Variants in FAM120A observed in about 807,000 individuals in gnomAD.
FAM120A encodes the protein family with sequence similarity 120 member A.
FAM120A carries 15 observed loss-of-function variants against 109.7 expected under a neutral mutation model. The ratio of observed to expected loss-of-function variants is 0.14; its 90% CI spans 0.09 to 0.21. The LOEUF (loss-of-function observed/expected upper bound fraction) is 0.21. FAM120A is among the 10% of genes least tolerant of loss of function. The pLI, the probability that FAM120A is intolerant of heterozygous loss-of-function variation, is 1.00. For missense variants in FAM120A, 899 were observed against 1,439.3 expected (o/e 0.62, Z 6.07); for synonymous variants, 493 against 572.8 (o/e 0.86, Z 1.99).
chr9:93,472,251 CTT>C (rs1313846687), intron 2 of FAM120A, among the ~76,000 whole-genome samples: 2 of 150,978 alleles, frequency 1.3e-5, no homozygotes, highest in Non-Finnish European at 2.9e-5. Flanking sequence ...CAGAGTGAGA[CTT>C]TGTCTCCAAA....
At chr9:93,483,534 A>T (rs1858912849) in intron 3 of FAM120A, among the ~76,000 whole-genome samples, 1 of 152,142 alleles carries the variant, frequency 6.6e-6, no homozygotes, top group Admixed American at 6.5e-5. Context: ...TTATCTTTTT[A>T]AAAATTCATT....
chr9:93,539,059 G>A (rs1198121681), intron 10 of FAM120A, among the ~76,000 whole-genome samples: 6 of 148,062 alleles, frequency 4.1e-5, no homozygotes, highest in Admixed American at 1.4e-4. Flanking sequence ...GTGGAGTGGC[G>A]CAATCTCGGC....
intron 3 of FAM120A, among the ~76,000 whole-genome samples, chr9:93,478,342 A>G: frequency 6.6e-6 from 1 of 151,656 alleles, no homozygotes; most frequent in Non-Finnish European, 1.5e-5. Context: ...TTAGCTGAGT[A>G]CTTTTATGGC....
chr9:93,519,640 A>G (rs1860757351), intron 7 of FAM120A, among the ~76,000 whole-genome samples: 1 of 152,054 alleles, frequency 6.6e-6, no homozygotes, highest in Non-Finnish European at 1.5e-5. Context: ...TCTGCCTTTC[A>G]TTGTCCAGAC....
chr9:93,502,565 TAC>T (rs6151079), intron 5 of FAM120A, among the ~76,000 whole-genome samples: 65,147 of 146,528 alleles, frequency 0.44, 14,628 homozygotes, highest in Non-Finnish European at 0.5. Flanking sequence ...GGAGGACACA[TAC>T]ACACACACAC....
intron 5 of FAM120A, among the ~76,000 whole-genome samples, chr9:93,506,184 C>CA (rs1193164151): frequency 1.3e-5 from 2 of 152,144 alleles, no homozygotes; most frequent in Non-Finnish European, 2.9e-5. Context: ...CTTTTATGTA[C>CA]ATTTTATGAT....
In FAM120A at chr9:93,500,150, C is replaced by T. The variant is rs144164740; in HGVS notation, c.1030+1264C>T. Among the ~76,000 whole-genome samples, 1 of 152,364 alleles carries T rather than the reference C, an allele frequency of 6.6e-6. No homozygotes were observed. The highest frequency in any genetic ancestry group is 1.9e-4 in the East Asian group (1 of 5,190). The stretch of plus-strand genomic sequence containing the variant: ...TTGCTCCCCTGCAATCCATTTTCTT[C>T]CCAGCAGCCAAAGTAATGTTTAAAA... On this transcript the variant is annotated intron_variant, in intron 5 of 17. Coordinates refer to ENST00000277165, the MANE Select transcript of FAM120A (RefSeq NM_014612.5). This position sits in a 1 kb window ranked among gnomAD's most constrained non-coding sequence, Gnocchi z 4.6.
intron 7 of FAM120A, among the ~76,000 whole-genome samples, chr9:93,521,463 G>A (rs1021553626): frequency 6.6e-6 from 1 of 151,912 alleles, no homozygotes; most frequent in African/African-American, 2.4e-5. Flanking sequence ...GTGCCTGTGG[G>A]TCCAGCAACC....
chr9:93,490,854 C>T (rs1026576713), intron 3 of FAM120A, among the ~76,000 whole-genome samples: 12 of 152,194 alleles, frequency 7.9e-5, no homozygotes, highest in African/African-American at 2.9e-4. Context: ...TCTAAAGCAT[C>T]AAAGATCTTT....
chr9:93,454,073 G>A (rs552608523), intron 1 of FAM120A, among the ~76,000 whole-genome samples: 2 of 152,258 alleles, frequency 1.3e-5, no homozygotes, highest in Admixed American at 1.3e-4. Context: ...GCACCCCTTT[G>A]AATGCCTCGC....
chr9:93,508,477 C>G (rs753466907), intron 5 of FAM120A, among the ~76,000 whole-genome samples: 1 of 152,182 alleles, frequency 6.6e-6, no homozygotes, highest in Non-Finnish European at 1.5e-5. Flanking sequence ...CCTGCAACGC[C>G]CAGTGACTGA....
chr9:93,465,061 G>A (rs1857957513), intron 1 of FAM120A, among the ~76,000 whole-genome samples: 1 of 152,184 alleles, frequency 6.6e-6, no homozygotes. Context: ...AGGGAAAACA[G>A]GAAGGAGCTT....
chr9:93,538,223 C>G (rs911245597), intron 10 of FAM120A, among the ~76,000 whole-genome samples: 7 of 152,140 alleles, frequency 4.6e-5, no homozygotes, highest in African/African-American at 1.7e-4. Flanking sequence ...TGGGCTGCTC[C>G]ATCCTCAACT....
chr9:93,493,109 G>A (rs557884157), intron 3 of FAM120A, among the ~76,000 whole-genome samples: 1 of 152,274 alleles, frequency 6.6e-6, no homozygotes, highest in East Asian at 1.9e-4. Context: ...CAGGCTCTCC[G>A]GGTGCTACTG....
chr9:93,495,043 A>G (rs1375399508), intron 3 of FAM120A, among the ~76,000 whole-genome samples: 1 of 152,200 alleles, frequency 6.6e-6, no homozygotes, highest in African/African-American at 2.4e-5. Context: ...CACTAGTCCC[A>G]TGATTCTGTA....
intron 5 of FAM120A, among the ~76,000 whole-genome samples, 182 bp from the exon 6 acceptor site, chr9:93,515,484 TA>T (rs1860529023): frequency 6.7e-6 from 1 of 148,794 alleles, no homozygotes. Flanking sequence ...ATCATAAAAT[TA>T]AGTTTTCCTT....
At chr9:93,529,127 T>C (rs756547834) in intron 8 of FAM120A, among the ~76,000 whole-genome samples, 2 of 152,090 alleles carry the variant, frequency 1.3e-5, no homozygotes, top group African/African-American at 2.4e-5. Flanking sequence ...TGTGGCACAG[T>C]AGATGTTGAT....
intron 7 of FAM120A, among the ~76,000 whole-genome samples, chr9:93,519,957 C>A (rs1229310287): frequency 6.6e-6 from 1 of 151,934 alleles, no homozygotes; most frequent in Non-Finnish European, 1.5e-5. Context: ...CTCACTGTAG[C>A]CTCAAACTCC....
At position 93,451,899 on chromosome 9, in the gene FAM120A, G is replaced by T; in HGVS notation, c.-17G>T. The T allele has an allele frequency of 8.7e-7, 1 of 1,151,476 alleles. No homozygotes were observed. Among genetic ancestry groups the T allele is most frequent in the Non-Finnish European group, 1.1e-6 (1 of 932,478 alleles). 71.3% of individuals were successfully genotyped at this position (1,151,476 alleles called of 1,614,324 possible). On this transcript the variant is annotated 5_prime_UTR_variant, in exon 1 of 18. Transcript: ENST00000277165. ...CCGCCCCCCGCCCGCACCCGCGCCC[G>T]CGCCCCCGCCGCCGCCATGGGCGTG...
Sources: gnomAD v4.1 joint callset for allele counts (sites outside exome capture counted in the v4.1 genomes callset) on GRCh38, gnomAD v4.1.1 for gene constraint, Gnocchi (gnomAD v3.1) non-coding constraint, MANE v1.5 for transcripts, NCBI Gene and HGNC (gene_info 2026-07-23, HGNC 2026-07-21) for gene names.